ITLN1: variants seen among roughly 807,000 people sequenced by gnomAD.
ITLN1 encodes intelectin-1.
ITLN1 carries 29 observed loss-of-function variants against 36.2 expected under a neutral mutation model. The observed-to-expected ratio is 0.80, with a 90% confidence interval of 0.60 to 1.09. The LOEUF is 1.09. Ranked by LOEUF, ITLN1 falls within the 50% of genes least tolerant of loss-of-function variation. The pLI is 0.00. For synonymous variants in ITLN1, 143 were observed against 146.5 expected (o/e 0.98, Z 0.17); for missense variants, 358 against 405.2 (o/e 0.88, Z 1.00).
At chr1:160,876,907 T>G in intron 7 of ITLN1, 91 bp from the exon 8 acceptor site, 1 of 1,313,444 alleles carries the variant, frequency 7.6e-7, no homozygotes, top group Non-Finnish European at 1.1e-6. Flanking sequence ...ATTTCTTTGG[T>G]CCTCATCAGA....
At chr1:160,880,908 C>T (rs1462330946) in intron 5 of ITLN1, among the ~76,000 whole-genome samples, 200 bp from the exon 6 acceptor site, 2 of 152,240 alleles carry the variant, frequency 1.3e-5, no homozygotes, top group East Asian at 3.9e-4. Context: ...CAGCCTGGAC[C>T]ACTTCATTAT....
Position 160,882,110 on chromosome 1 carries a change from G to T in ITLN1, c.252C>A (p.Ser84Arg). 6.2e-7 allele frequency: 1 copy of T among 1,614,014 alleles called. No individual in the cohort carries two copies. Among genetic ancestry groups the T allele is most frequent in the Admixed American group, 1.7e-5 (1 of 60,020 alleles). ...TCCCACGCATGTCATTCTCGTGCAC[G>T]CTGGCCACCAGGGTCCAGCCGCCAC... ...SGGGGWTLVA[S>R]VHENDMRGKC... is the part of the protein sequence containing the mutation. The change falls in exon 4 of 8, where the codon AGC becomes AGA. Residue 84 changes from serine to arginine, a missense_variant. Physicochemically the swap from Ser to Arg is moderately radical, Grantham distance 110. Transcript: ENST00000326245.
intron 1 of ITLN1, 86 bp downstream of exon 1, chr1:160,884,975 A>C: frequency 1.3e-6 from 1 of 758,598 alleles, no homozygotes; most frequent in Non-Finnish European, 2.3e-6. Flanking sequence ...AGACTCCAAA[A>C]CCCCTTGCCT....
chr1:160,879,304 G>C lies in ITLN1; in HGVS notation c.789+7C>G. On this transcript the variant is annotated splice_region_variant and intron_variant, in intron 7 of 7. Transcript: ENST00000326245. ...CACAGGTCCCTGCAGTCCCCACAGA[G>C]ACTCACGTGCTCAGTGTTACATCCG... 6.2e-7 allele frequency: 1 copy of C among 1,608,832 alleles called. No individual in the cohort carries two copies. Among genetic ancestry groups the C allele is most frequent in the Non-Finnish European group, 8.5e-7 (1 of 1,175,204 alleles).
intron 6 of ITLN1, 71 bp from the exon 7 acceptor site, chr1:160,879,485 G>T: frequency 8.6e-7 from 1 of 1,168,604 alleles, no homozygotes; most frequent in Non-Finnish European, 1.3e-6. Flanking sequence ...CCAGCCCAGA[G>T]GCTCTCGATG....
intron 3 of ITLN1, 80 bp from the exon 4 acceptor site, chr1:160,882,284 G>A: frequency 6.6e-7 from 1 of 1,506,486 alleles, no homozygotes; most frequent in African/African-American, 1.4e-5. Context: ...AAGGCCCTAG[G>A]AACCAGAGAC....
chr1:160,879,515 C>A, intron 6 of ITLN1, 101 bp from the exon 7 acceptor site: 1 of 847,564 alleles, frequency 1.2e-6, no homozygotes. Context: ...AGGCTACAGC[C>A]CAACACTCCA....
At position 160,881,270 on chromosome 1, in the gene ITLN1, A is replaced by G; in HGVS notation, c.448T>C (p.Trp150Arg). ...YDIQAKDLGI[W>R]HVPNKSPMQH... Reference sequence around the variant, plus strand: ...ATGGGGGACTTATTGGGCACGTGCCAGATGCCCAGGTCCTTGGCCTGGATG... The same window carrying G: ...ATGGGGGACTTATTGGGCACGTGCCGGATGCCCAGGTCCTTGGCCTGGATG... The change falls in exon 5 of 8, where the codon TGG (tryptophan) becomes CGG (arginine). Residue 150 changes from tryptophan (W) to arginine (R), a missense_variant. Physicochemically the swap from Trp to Arg is moderately radical, Grantham distance 101. Coordinates refer to ENST00000326245, the MANE Select transcript of ITLN1 (RefSeq NM_017625.3). The G allele has an allele frequency of 6.2e-7, 1 of 1,611,456 alleles. No homozygotes were observed.
Position 160,882,109 on chromosome 1 carries a change from C to A in ITLN1, c.253G>T (p.Val85Leu), listed in dbSNP as rs147176765. Reference sequence around the variant, plus strand: ...TTCCCACGCATGTCATTCTCGTGCACGCTGGCCACCAGGGTCCAGCCGCCA... The same window carrying A: ...TTCCCACGCATGTCATTCTCGTGCAAGCTGGCCACCAGGGTCCAGCCGCCA... ...GGGGWTLVAS[V>L]HENDMRGKCT... Residue 85 changes from valine to leucine, a missense_variant, in exon 4 of 8, where the codon GTG (valine) becomes TTG (leucine). By Grantham distance (32) the Val-to-Leu change is conservative (BLOSUM62 1). Transcript: ENST00000326245. 1.2e-6 allele frequency: 2 copies of A among 1,614,076 alleles called. No homozygotes were observed. The highest frequency in any genetic ancestry group is 1.7e-4 in the Middle Eastern group (1 of 6,060).
At position 160,878,635 on chromosome 1, in the gene ITLN1, C is replaced by T. The variant is rs530022878; in HGVS notation, c.789+676G>A. Among the ~76,000 whole-genome samples the T allele has an allele frequency of 6.6e-5, 10 of 152,160 alleles. 1 individual carries two copies. The highest frequency in any genetic ancestry group is 2.0e-4 in the Admixed American group (3 of 15,274). ...TCCTGAACTCAAGAGATCCACCTGC[C>T]TTGCCTCGCAAAATACTGGGATTAC... On this transcript the variant is annotated intron_variant, in intron 7 of 7. Transcript: ENST00000326245.
chr1:160,879,309 A>T lies in ITLN1; in HGVS notation c.789+2T>A. ...GTCCCTGCAGTCCCCACAGAGACTC[A>T]CGTGCTCAGTGTTACATCCGGTGAC... On this transcript the variant is annotated splice_donor_variant, in intron 7 of 7. Transcript: ENST00000326245. LOFTEE classifies it high-confidence loss of function. The T allele has an allele frequency of 6.2e-7, 1 of 1,610,912 alleles. No individual in the cohort carries two copies. Among genetic ancestry groups the T allele is most frequent in the Non-Finnish European group, 8.5e-7 (1 of 1,177,116 alleles).
chr1:160,883,286 T>C (rs971375918), intron 3 of ITLN1, 142 bp downstream of exon 3: 1 of 565,960 alleles, frequency 1.8e-6, no homozygotes, highest in Non-Finnish European at 3.2e-6. Context: ...GCACACTTAA[T>C]GTTGCTTAAA....
chr1:160,881,697 T>C (rs1670681122), intron 4 of ITLN1, among the ~76,000 whole-genome samples: 1 of 150,818 alleles, frequency 6.6e-6, no homozygotes. Context: ...TAGTCCCAGC[T>C]ACTTTTGAGG....
intron 6 of ITLN1, 64 bp downstream of exon 6, chr1:160,880,524 T>A: frequency 6.4e-7 from 1 of 1,553,112 alleles, no homozygotes; most frequent in Non-Finnish European, 8.8e-7. Flanking sequence ...GCATAACTGT[T>A]ACCTAGCATA....
intron 3 of ITLN1, among the ~76,000 whole-genome samples, chr1:160,882,508 C>T (rs142992711): frequency 6.6e-6 from 1 of 152,310 alleles, no homozygotes; most frequent in Non-Finnish European, 1.5e-5. Context: ...GAAAACAGGG[C>T]CTCAAGCTGA....
chr1:160,879,129 C>T (rs1339044140), intron 7 of ITLN1, among the ~76,000 whole-genome samples, 182 bp downstream of exon 7: 1 of 152,142 alleles, frequency 6.6e-6, no homozygotes, highest in Non-Finnish European at 1.5e-5. Flanking sequence ...GATATGTATA[C>T]CTGGACAAAA....
intron 3 of ITLN1, among the ~76,000 whole-genome samples, chr1:160,882,951 C>A (rs927024666): frequency 6.6e-6 from 1 of 152,066 alleles, no homozygotes; most frequent in Non-Finnish European, 1.5e-5. Context: ...CCCACTGCAA[C>A]CTCTGCCTCC....
At chr1:160,880,517 T>C in intron 6 of ITLN1, 71 bp downstream of exon 6, 1 of 1,522,526 alleles carries the variant, frequency 6.6e-7, no homozygotes. Flanking sequence ...GTCCGATGCA[T>C]AACTGTTACC....
intron 7 of ITLN1, 77 bp from the exon 8 acceptor site, chr1:160,876,893 A>G (rs922358637): frequency 4.1e-6 from 6 of 1,457,486 alleles, no homozygotes; most frequent in Non-Finnish European, 4.7e-6. Flanking sequence ...AGCTGAATCC[A>G]GTGATTTCTT....
Sources: gnomAD v4.1 joint callset for allele counts (sites outside exome capture counted in the v4.1 genomes callset) on GRCh38, gnomAD v4.1.1 for gene constraint, MANE v1.5 for transcripts, NCBI Gene and HGNC (gene_info 2026-07-23, HGNC 2026-07-21) for gene names.